SFI1: variants seen among roughly 807,000 people sequenced by gnomAD.
SFI1 encodes protein SFI1 homolog.
SFI1 carries 195 observed loss-of-function variants against 207.5 expected under a neutral mutation model. That is an observed-to-expected ratio of 0.94 (90% CI 0.84 to 1.06). The LOEUF is 1.06. Among genes scored for constraint, SFI1 ranks in the 50% least tolerant of loss-of-function variants. The pLI, the probability that SFI1 is intolerant of heterozygous loss-of-function variation, is 0.00. For missense variants in SFI1, 1,634 were observed against 1,588.0 expected (o/e 1.03, Z -0.49); for synonymous variants, 630 against 598.9 (o/e 1.05, Z -0.76).
intron 8 of SFI1, among the ~76,000 whole-genome samples, chr22:31,569,064 C>T (rs1449133238): frequency 6.6e-6 from 1 of 152,068 alleles, no homozygotes; most frequent in Non-Finnish European, 1.5e-5. Flanking sequence ...CCCACCTTTC[C>T]TATATAAACT....
At chr22:31,548,089 A>G (rs935293308) in intron 5 of SFI1, among the ~76,000 whole-genome samples, 3 of 151,816 alleles carry the variant, frequency 2.0e-5, no homozygotes, top group African/African-American at 7.3e-5. Context: ...GCGTGGTGGC[A>G]GGCGCCTGTA....
At chr22:31,527,570 A>G (rs2058050696) in intron 2 of SFI1, among the ~76,000 whole-genome samples, 1 of 152,174 alleles carries the variant, frequency 6.6e-6, no homozygotes, top group Admixed American at 6.5e-5. Context: ...CCCTATTTCA[A>G]GAAAACAATA....
At position 31,615,286 on chromosome 22, in the gene SFI1, C is replaced by T. The variant is rs1237335474; in HGVS notation, c.3300+7C>T. 4.7e-6 allele frequency: 7 copies of T among 1,480,492 alleles called. No homozygotes were observed. In the African/African-American group the frequency reaches 8.4e-5, roughly 18 times the overall value. The allele number at this position is 1,480,492 out of a possible 1,614,324, so 91.7% of individuals were successfully genotyped here. ...GGCGGCTGCACCAGCCAGGGTACGT[C>T]CTCCACCACCAGGCCTGGGCACTGG... On this transcript the variant is annotated splice_region_variant and intron_variant, in intron 29 of 32. Coordinates refer to ENST00000400288, the MANE Select transcript of SFI1 (RefSeq NM_001007467.3).
chr22:31,507,967 T>C (rs1300686787), intron 1 of SFI1, among the ~76,000 whole-genome samples: 1 of 152,010 alleles, frequency 6.6e-6, no homozygotes, highest in Non-Finnish European at 1.5e-5. Flanking sequence ...TCCCAGCTAC[T>C]TGAGAGGTTG....
In SFI1 at chr22:31,616,829, C is replaced by T. The variant is rs2071607728; in HGVS notation, c.3385C>T (p.Pro1129Ser). 1.9e-6 allele frequency: 3 copies of T among 1,613,052 alleles called. No individual in the cohort carries two copies. The highest frequency in any genetic ancestry group is 2.5e-6 in the Non-Finnish European group (3 of 1,179,460). ...TGTCCCTGACCCCCATCTACTCCTT[C>T]CTGGGGACTTCTCAGCCACCAGGGC... The part of the protein sequence containing the change: ...ASVPDPHLLL[P>S]GDFSATRAGP... The change falls in exon 30 of 33, where the codon CCT (proline) becomes TCT (serine). Residue 1129 changes from proline to serine, a missense_variant. Physicochemically the swap from Pro to Ser is moderately conservative, Grantham distance 74 (BLOSUM62 -1). Coordinates refer to ENST00000400288, the MANE Select transcript of SFI1 (RefSeq NM_001007467.3).
At chr22:31,542,342 A>C (rs542188640) in intron 4 of SFI1, among the ~76,000 whole-genome samples, 1 of 151,782 alleles carries the variant, frequency 6.6e-6, no homozygotes, top group African/African-American at 2.4e-5. Flanking sequence ...AATACATAAA[A>C]ATAGGCCGGG....
chr22:31,516,441 A>T, intron 2 of SFI1, among the ~76,000 whole-genome samples: 1 of 151,726 alleles, frequency 6.6e-6, no homozygotes, highest in Admixed American at 6.6e-5. Flanking sequence ...TGAACCTGTG[A>T]GGTGGGGGTT....
intron 2 of SFI1, among the ~76,000 whole-genome samples, chr22:31,519,098 G>A (rs2056887184): frequency 6.6e-6 from 1 of 152,032 alleles, no homozygotes; most frequent in Admixed American, 6.6e-5. Context: ...CAAATACGTT[G>A]TAATGCTCAT....
intron 2 of SFI1, among the ~76,000 whole-genome samples, chr22:31,521,912 C>T (rs549739602): frequency 2.0e-5 from 3 of 151,598 alleles, no homozygotes; most frequent in South Asian, 4.2e-4. Context: ...TGCAGGCATG[C>T]GTCACCATGC....
At chr22:31,513,360 C>T (rs2055914033) in intron 2 of SFI1, among the ~76,000 whole-genome samples, 1 of 151,866 alleles carries the variant, frequency 6.6e-6, no homozygotes, top group African/African-American at 2.4e-5. Flanking sequence ...GGTTTCACCA[C>T]GTTGCCTAGG....
rs982141616 is a variant in SFI1, at chr22:31,559,698, A to T, written c.663-1592A>T. ...GAACGTGTGATGACCATTATGCAGAATCCATGCCAGTACAAGATCCCAGAC... is the reference window on the plus strand; with the variant it reads ...GAACGTGTGATGACCATTATGCAGATTCCATGCCAGTACAAGATCCCAGAC... On this transcript the variant is annotated intron_variant, in intron 7 of 32. Transcript: ENST00000400288. 5 of 829,886 alleles carry T rather than the reference A, an allele frequency of 6.0e-6. No individual in the cohort carries two copies. The Admixed American group carries it at 8.7e-5, about 14-fold the overall frequency. The allele number at this position is 829,886 out of a possible 1,614,324, so 51.4% of individuals were successfully genotyped here.
At chr22:31,570,962 C>T (rs144303111) in intron 8 of SFI1, among the ~76,000 whole-genome samples, 1 of 152,116 alleles carries the variant, frequency 6.6e-6, no homozygotes, top group African/African-American at 2.4e-5. Flanking sequence ...TTGGATTGAG[C>T]GATGTGGAGA....
chr22:31,517,459 G>A (rs1235776338), intron 2 of SFI1, among the ~76,000 whole-genome samples: 1 of 151,724 alleles, frequency 6.6e-6, no homozygotes, highest in Non-Finnish European at 1.5e-5. Context: ...CACTGCCCAA[G>A]CTGGTGTCAA....
intron 5 of SFI1, among the ~76,000 whole-genome samples, chr22:31,548,838 T>C (rs1453713814): frequency 1.3e-5 from 2 of 151,762 alleles, no homozygotes; most frequent in Non-Finnish European, 2.9e-5. Flanking sequence ...TTTAAATGAA[T>C]GTTAATAAAA....
At chr22:31,545,545 T>TTTTAATTTAA (rs199762639) in intron 4 of SFI1, among the ~76,000 whole-genome samples, 39 of 134,344 alleles carry the variant, frequency 2.9e-4, no homozygotes, top group Middle Eastern at 3.6e-3. Context: ...GAGATGGAGT[T>TTTTAATTTAA]TTTAATTTAA....
intron 29 of SFI1, chr22:31,616,483 G>A (rs1603374923): frequency 2.4e-6 from 1 of 419,054 alleles, no homozygotes; most frequent in East Asian, 3.9e-5. Flanking sequence ...TGCTCAGGCA[G>A]TGGAGGCGTG....
At chr22:31,545,604 C>T (rs1262670277) in intron 4 of SFI1, among the ~76,000 whole-genome samples, 2 of 114,112 alleles carry the variant, frequency 1.8e-5, no homozygotes, top group East Asian at 2.6e-4. Flanking sequence ...TATTTTGAGA[C>T]GAAGTCTCAC....
rs371122686 is a variant in SFI1 at position 31,613,472 on chromosome 22, G to A, written c.2684G>A (p.Arg895His). The A allele has an allele frequency of 3.1e-5, 50 of 1,601,454 alleles. No homozygotes were observed. The Middle Eastern group carries it at 5.1e-4, about 16-fold the overall frequency. Reference protein sequence around the residue: ...LLQEGATRLLRFAASMKASRQ... With the variant: ...LLQEGATRLLHFAASMKASRQ... Reference sequence around the variant, plus strand: ...CAGGAGGGTGCCACGCGGCTCCTGCGCTTTGCAGCCAGCATGAAGGCCTCC... The same window carrying A: ...CAGGAGGGTGCCACGCGGCTCCTGCACTTTGCAGCCAGCATGAAGGCCTCC... The change falls in exon 26 of 33, where the codon CGC becomes CAC. Residue 895 changes from arginine (R) to histidine (H), a missense_variant. Arg to His is a conservative substitution (Grantham distance 29, BLOSUM62 0). Coordinates refer to ENST00000400288, the MANE Select transcript of SFI1 (RefSeq NM_001007467.3).
In SFI1 at chr22:31,505,832, C is replaced by T. The variant is rs543144386; in HGVS notation, c.-30-2423C>T. On this transcript the variant is annotated intron_variant, in intron 1 of 32. Coordinates refer to ENST00000400288, the MANE Select transcript of SFI1 (RefSeq NM_001007467.3). ...ATGGGAGGTTGAGGCTGCAGTGAGC[C>T]GTGATGGTGCCGCAGTACTTCAGCC... Among the ~76,000 whole-genome samples, 15 of 151,202 alleles carry T rather than the reference C, an allele frequency of 9.9e-5. No homozygotes were observed. The East Asian group carries it at 2.3e-3, about 24-fold the overall frequency.
Sources: allele counts gnomAD v4.1 joint callset (sites outside exome capture counted in the v4.1 genomes callset), GRCh38; gene constraint gnomAD v4.1.1; transcripts MANE v1.5; gene names NCBI Gene and HGNC (gene_info 2026-07-23, HGNC 2026-07-21).